SGCZ: variants seen among roughly 807,000 people sequenced by gnomAD.
The protein encoded by SGCZ is zeta-sarcoglycan.
Under a neutral mutation model 41.3 loss-of-function variants are expected in SGCZ, and 40 were observed. That is an observed-to-expected ratio of 0.97 (90% CI 0.75 to 1.26). SGCZ has a LOEUF of 1.26. Among genes scored for constraint, SGCZ ranks in the 50% most tolerant of loss-of-function variants. SGCZ has a pLI of 0.00. For synonymous variants in SGCZ, 206 were observed against 137.5 expected (o/e 1.50, Z -3.49); for missense variants, 552 against 369.8 (o/e 1.49, Z -4.04).
rs866912646 is a variant in SGCZ, at chr8:14,833,812, G to A, written c.40-278886C>T. 5.2e-5 allele frequency among the ~76,000 whole-genome samples: 6 copies of A among 116,364 alleles called. No individual in the cohort carries two copies. In the South Asian group the frequency reaches 8.2e-4, roughly 16 times the overall value. 76.3% of individuals were successfully genotyped at this position (116,364 alleles called of 152,430 possible). ...AGAAAGAAGAAATTATGGAGCTAGG[G>A]ATGATCCAGGAAAAAAAAAAATGTG... On this transcript the variant is annotated intron_variant, in intron 1 of 7. Coordinates refer to ENST00000382080, the MANE Select transcript of SGCZ (RefSeq NM_139167.4).
At chr8:14,623,663 A>G (rs1399351964) in intron 1 of SGCZ, among the ~76,000 whole-genome samples, 1 of 152,200 alleles carries the variant, frequency 6.6e-6, no homozygotes, top group Non-Finnish European at 1.5e-5. Flanking sequence ...AGTTATGAAC[A>G]AAAGTAAGTA....
intron 2 of SGCZ, among the ~76,000 whole-genome samples, chr8:14,438,309 GTATT>G (rs1260442222): frequency 6.6e-6 from 1 of 151,872 alleles, no homozygotes; most frequent in African/African-American, 2.4e-5. Context: ...TCAATAGAGT[GTATT>G]TATCACAAAT....
At chr8:14,217,070 G>A (rs1269587671) in intron 4 of SGCZ, among the ~76,000 whole-genome samples, 5 of 152,028 alleles carry the variant, frequency 3.3e-5, no homozygotes, top group Non-Finnish European at 5.9e-5. Context: ...GGTGGATCAC[G>A]AGGTCAGGGG....
intron 1 of SGCZ, among the ~76,000 whole-genome samples, chr8:14,819,881 G>C (rs182990906): frequency 5.9e-5 from 9 of 151,888 alleles, no homozygotes; most frequent in African/African-American, 9.7e-5. Context: ...ATAATAAAGA[G>C]AAAGGAAACA....
At chr8:14,310,897 G>A (rs1279792234) in intron 3 of SGCZ, among the ~76,000 whole-genome samples, 1 of 152,024 alleles carries the variant, frequency 6.6e-6, no homozygotes, top group African/African-American at 2.4e-5. Flanking sequence ...CAGACAGGGT[G>A]CCCTTGAAAC....
At chr8:14,428,666 C>T (rs1181037507) in intron 2 of SGCZ, among the ~76,000 whole-genome samples, 2 of 152,140 alleles carry the variant, frequency 1.3e-5, no homozygotes, top group Non-Finnish European at 2.9e-5. Context: ...TCAGCAGAAT[C>T]GGTTACGTGC....
At chr8:14,752,400 G>T (rs1799527237) in intron 1 of SGCZ, among the ~76,000 whole-genome samples, 1 of 152,106 alleles carries the variant, frequency 6.6e-6, no homozygotes, top group Non-Finnish European at 1.5e-5. Context: ...AATGTTTCCA[G>T]TTCAAAAATA....
intron 2 of SGCZ, among the ~76,000 whole-genome samples, chr8:14,326,004 C>G (rs960510872): frequency 1.4e-5 from 2 of 145,918 alleles, no homozygotes; most frequent in Non-Finnish European, 3.0e-5. Flanking sequence ...CCCAGGTACT[C>G]GGAAGGCTGA....
chr8:14,153,301 A>G (rs995898746), intron 5 of SGCZ, among the ~76,000 whole-genome samples: 1 of 152,130 alleles, frequency 6.6e-6, no homozygotes, highest in African/African-American at 2.4e-5. Flanking sequence ...TGGGGACTTC[A>G]ATCTGAACAC....
At chr8:14,655,516 G>T (rs966047486) in intron 1 of SGCZ, among the ~76,000 whole-genome samples, 3 of 152,088 alleles carry the variant, frequency 2.0e-5, no homozygotes, top group African/African-American at 7.2e-5. Flanking sequence ...ACTTTGGTTA[G>T]AAAGTTAATT....
chr8:14,225,749 G>C (rs1186490465), intron 4 of SGCZ, among the ~76,000 whole-genome samples: 1 of 152,008 alleles, frequency 6.6e-6, no homozygotes, highest in East Asian at 1.9e-4. Context: ...CAACAGCAAT[G>C]ATGGCCACCT....
At chr8:14,609,120 G>A (rs1450189224) in intron 1 of SGCZ, among the ~76,000 whole-genome samples, 2 of 151,956 alleles carry the variant, frequency 1.3e-5, no homozygotes, top group Admixed American at 1.3e-4. Context: ...TCTTTTTTTA[G>A]GGAAGATAAT....
At chr8:14,183,785 G>C (rs1804811320) in intron 4 of SGCZ, among the ~76,000 whole-genome samples, 1 of 152,106 alleles carries the variant, frequency 6.6e-6, no homozygotes, top group Non-Finnish European at 1.5e-5. Context: ...CTATTGTTAA[G>C]TTATATTAAG....
chr8:14,167,559 G>C (rs1804246805), intron 4 of SGCZ, among the ~76,000 whole-genome samples: 1 of 151,652 alleles, frequency 6.6e-6, no homozygotes, highest in South Asian at 2.1e-4. Flanking sequence ...AATCAACAAA[G>C]AGAAGTCAAG....
intron 5 of SGCZ, among the ~76,000 whole-genome samples, chr8:14,114,989 G>A (rs1260872875): frequency 6.6e-6 from 1 of 151,884 alleles, no homozygotes; most frequent in Non-Finnish European, 1.5e-5. Context: ...TGGTTTGATG[G>A]AAACGACATT....
chr8:14,693,652 G>A (rs1808871908), intron 1 of SGCZ, among the ~76,000 whole-genome samples: 1 of 142,214 alleles, frequency 7.0e-6, no homozygotes, highest in South Asian at 2.3e-4. Context: ...GTGCAGTGGC[G>A]CGATCTCAGC....
intron 1 of SGCZ, among the ~76,000 whole-genome samples, chr8:15,002,884 G>A (rs779844610): frequency 9.9e-5 from 15 of 152,100 alleles, no homozygotes; most frequent in Non-Finnish European, 2.2e-4. Flanking sequence ...AGGGACCCTG[G>A]GGGAGGTAAT....
intron 1 of SGCZ, among the ~76,000 whole-genome samples, chr8:14,646,857 G>C (rs1349400850): frequency 1.3e-5 from 2 of 151,884 alleles, no homozygotes; most frequent in Non-Finnish European, 2.9e-5. Context: ...AAGTAAGACA[G>C]AGACCCTTTT....
At chr8:14,432,673 G>A (rs1319062082) in intron 2 of SGCZ, among the ~76,000 whole-genome samples, 1 of 152,126 alleles carries the variant, frequency 6.6e-6, no homozygotes, top group Non-Finnish European at 1.5e-5. Context: ...CAGCACTTTG[G>A]GAGGCTGAGG....
Sources: allele counts gnomAD v4.1 joint callset (sites outside exome capture counted in the v4.1 genomes callset), GRCh38; gene constraint gnomAD v4.1.1; transcripts MANE v1.5; gene names NCBI Gene and HGNC (gene_info 2026-07-23, HGNC 2026-07-21).